Variants in ANKS1B observed in about 807,000 individuals in gnomAD.
ANKS1B encodes ankyrin repeat and sterile alpha motif domain containing 1B.
A neutral mutation model predicts 148.3 loss-of-function variants in ANKS1B; 36 were observed. The ratio of observed to expected loss-of-function variants is 0.24; its 90% CI spans 0.19 to 0.32. The LOEUF (loss-of-function observed/expected upper bound fraction) is 0.32. Ranked by LOEUF, ANKS1B falls within the 10% of genes least tolerant of loss-of-function variation. ANKS1B has a pLI of 1.00. For missense variants in ANKS1B, 1,157 were observed against 1,542.6 expected, an observed-to-expected ratio of 0.75 and a Z score of 4.19; for synonymous variants, 542 against 560.8, an observed-to-expected ratio of 0.97 and a Z score of 0.47.
rs577280098 is a variant in ANKS1B, at chr12:98,877,310, A to G, written c.2779-45174T>C. ...TCCAAAACTTCTAATGAGATAAGAAATCTCTCCAAACGTACTGCTGCCAAC... is the reference window on the plus strand; with the variant it reads ...TCCAAAACTTCTAATGAGATAAGAAGTCTCTCCAAACGTACTGCTGCCAAC... On this transcript the variant is annotated intron_variant, in intron 17 of 26. Coordinates refer to ENST00000683438, the MANE Select transcript of ANKS1B (RefSeq NM_001352186.2). Among the ~76,000 whole-genome samples, 13 of 152,324 alleles carry G rather than the reference A, an allele frequency of 8.5e-5. No individual in the cohort carries two copies. The East Asian group carries it at 2.3e-3, about 27-fold the overall frequency.
intron 1 of ANKS1B, among the ~76,000 whole-genome samples, chr12:99,840,399 C>A (rs143112318): frequency 2.0e-3 from 311 of 152,072 alleles, no homozygotes; most frequent in African/African-American, 7.3e-3. Context: ...ATATGGAAAG[C>A]CATCGGAGAG....
intron 1 of ANKS1B, among the ~76,000 whole-genome samples, chr12:99,863,930 G>A (rs150059601): frequency 1.8e-3 from 269 of 151,838 alleles, no homozygotes; most frequent in African/African-American, 6.0e-3. Context: ...TTAGCTGGGC[G>A]TGGTGGCACA....
At chr12:98,842,306 G>A (rs1012814573) in intron 17 of ANKS1B, among the ~76,000 whole-genome samples, 13 of 152,168 alleles carry the variant, frequency 8.5e-5, no homozygotes, top group Admixed American at 3.3e-4. Flanking sequence ...ATTATGCTAA[G>A]TGAAAGAAGC....
chr12:99,301,601 T>C (rs2081622341), intron 12 of ANKS1B, among the ~76,000 whole-genome samples: 1 of 152,186 alleles, frequency 6.6e-6, no homozygotes, highest in Non-Finnish European at 1.5e-5. Context: ...ATAATAGATT[T>C]ACTCATTCAC....
chr12:99,224,741 G>A (rs1210140173), intron 14 of ANKS1B, among the ~76,000 whole-genome samples: 1 of 152,114 alleles, frequency 6.6e-6, no homozygotes, highest in African/African-American at 2.4e-5. Flanking sequence ...TTATTTTAAA[G>A]AATAAGGAAA....
intron 17 of ANKS1B, among the ~76,000 whole-genome samples, chr12:98,843,387 G>A (rs538840069): frequency 2.8e-4 from 42 of 152,308 alleles, no homozygotes; most frequent in African/African-American, 9.1e-4. Flanking sequence ...CTCTTCACAC[G>A]TCAGCTTCCC....
chr12:98,841,736 T>A (rs1219003861), intron 17 of ANKS1B, among the ~76,000 whole-genome samples: 1 of 151,962 alleles, frequency 6.6e-6, no homozygotes, highest in Non-Finnish European at 1.5e-5. Flanking sequence ...GTCCCAAGGA[T>A]GAGTTCAAAA....
intron 1 of ANKS1B, among the ~76,000 whole-genome samples, chr12:99,853,650 T>G (rs1316860651): frequency 6.6e-6 from 1 of 152,098 alleles, no homozygotes; most frequent in Non-Finnish European, 1.5e-5. Context: ...CCTGGTAATA[T>G]GGCAAAACAA....
At chr12:98,795,596 CT>C (rs1419143526) in intron 22 of ANKS1B, 1 of 443,396 alleles carries the variant, frequency 2.3e-6, no homozygotes, top group Non-Finnish European at 4.5e-6. Context: ...TAAAAAGCTC[CT>C]GTTTTTGGAA....
chr12:99,393,324 T>C (rs2094140628), intron 12 of ANKS1B, among the ~76,000 whole-genome samples: 1 of 152,174 alleles, frequency 6.6e-6, no homozygotes, highest in Admixed American at 6.5e-5. Flanking sequence ...ATAGTGGCCA[T>C]GTGCAGAGAG....
chr12:99,484,613 TG>T (rs1188316758), intron 10 of ANKS1B, among the ~76,000 whole-genome samples: 1 of 151,940 alleles, frequency 6.6e-6, no homozygotes, highest in East Asian at 1.9e-4. Flanking sequence ...ACTATTGTTA[TG>T]TTGCTATCTC....
chr12:98,799,590 C>T (rs948561937), intron 21 of ANKS1B, among the ~76,000 whole-genome samples: 5 of 151,934 alleles, frequency 3.3e-5, no homozygotes, highest in Non-Finnish European at 7.4e-5. Context: ...AGCTGGGTTC[C>T]TGGTGCGAAG....
intron 17 of ANKS1B, among the ~76,000 whole-genome samples, chr12:98,922,843 T>C (rs2099803301): frequency 6.6e-6 from 1 of 152,172 alleles, no homozygotes; most frequent in Admixed American, 6.6e-5. Context: ...TAATTTCTGA[T>C]TCATTTGTGG....
chr12:99,627,439 T>C (rs1351826908), intron 9 of ANKS1B, among the ~76,000 whole-genome samples: 1 of 152,186 alleles, frequency 6.6e-6, no homozygotes, highest in Non-Finnish European at 1.5e-5. Context: ...CAATGTAGTA[T>C]TGGAATTATC....
intron 17 of ANKS1B, among the ~76,000 whole-genome samples, chr12:98,934,965 C>T (rs2099817122): frequency 6.6e-6 from 1 of 151,788 alleles, no homozygotes; most frequent in Non-Finnish European, 1.5e-5. Flanking sequence ...AATTTGGGCA[C>T]CTTTTTTCCT....
intron 17 of ANKS1B, among the ~76,000 whole-genome samples, chr12:98,925,710 C>T (rs1326648718): frequency 6.6e-6 from 1 of 152,174 alleles, no homozygotes; most frequent in African/African-American, 2.4e-5. Context: ...AACTAGCAGC[C>T]TAGCAGCCAC....
At chr12:99,877,083 A>G (rs1488709109) in intron 1 of ANKS1B, among the ~76,000 whole-genome samples, 1 of 151,952 alleles carries the variant, frequency 6.6e-6, no homozygotes, top group East Asian at 1.9e-4. Flanking sequence ...TTCACCTCAT[A>G]CCCACTTCAC....
At chr12:98,845,979 T>TATAC (rs370978686) in intron 17 of ANKS1B, among the ~76,000 whole-genome samples, 15 of 120,628 alleles carry the variant, frequency 1.2e-4, no homozygotes, top group African/African-American at 3.4e-4. Flanking sequence ...TATATATATA[T>TATAC]ACACACACAC....
chr12:99,178,157 G>T (rs930700367), intron 14 of ANKS1B, among the ~76,000 whole-genome samples: 1 of 152,136 alleles, frequency 6.6e-6, no homozygotes, highest in Admixed American at 6.5e-5. Flanking sequence ...ATACTCTTCT[G>T]TAAGATGCTT....
Sources: allele counts gnomAD v4.1 joint callset (sites outside exome capture counted in the v4.1 genomes callset), GRCh38; gene constraint gnomAD v4.1.1; transcripts MANE v1.5; gene names NCBI Gene and HGNC (gene_info 2026-07-23, HGNC 2026-07-21).